ADAM7: variants seen among roughly 807,000 people sequenced by gnomAD.
ADAM7 encodes ADAM metallopeptidase domain 7.
Under a neutral mutation model 102.9 loss-of-function variants are expected in ADAM7, and 97 were observed. The observed-to-expected ratio is 0.94, with a 90% confidence interval of 0.80 to 1.12. The LOEUF is 1.12. Ranked by LOEUF, ADAM7 falls within the 50% of genes most tolerant of loss-of-function variation. The pLI is 0.00. For missense variants in ADAM7, 991 were observed against 908.7 expected (o/e 1.09, Z -1.16); for synonymous variants, 334 against 304.4 (o/e 1.10, Z -1.01).
At position 24,498,183 on chromosome 8, in the gene ADAM7, CTA is replaced by C. The variant is rs1554544585; in HGVS notation, c.1843-1052_1843-1051del. Among the ~76,000 whole-genome samples, 5 of 151,490 alleles carry C rather than the reference CTA, an allele frequency of 3.3e-5. No homozygotes were observed. The East Asian group carries it at 9.7e-4, about 29-fold the overall frequency. On this transcript the variant is annotated intron_variant, in intron 16 of 21. Transcript: ENST00000175238. Reference sequence around the variant, plus strand: ...ACTCCATAAGACTTTTGAGTAAATTCTAGTTATTAATTATAATATTTTTATTA... The same window carrying C: ...ACTCCATAAGACTTTTGAGTAAATTCGTTATTAATTATAATATTTTTATTA...
chr8:24,481,471 C>G (rs761040102), intron 8 of ADAM7, among the ~76,000 whole-genome samples: 39 of 152,228 alleles, frequency 2.6e-4, no homozygotes, highest in Non-Finnish European at 4.9e-4. Context: ...AAAACTGATA[C>G]AACACATAGT....
chr8:24,499,321 G>C lies in ADAM7; in HGVS notation c.1923+5G>C. The C allele has an allele frequency of 6.3e-7, 1 of 1,588,260 alleles. No homozygotes were observed. The highest frequency in any genetic ancestry group is 8.6e-7 in the Non-Finnish European group (1 of 1,166,138). ...TCTCAGTGCAATGAAAATCCTGTAA[G>C]ATATGACTGCTTTCAAAATTAATGT... is the stretch of plus-strand genomic sequence containing the variant. On this transcript the variant is annotated splice_donor_5th_base_variant and intron_variant, in intron 17 of 21. Coordinates refer to ENST00000175238, the MANE Select transcript of ADAM7 (RefSeq NM_003817.4).
chr8:24,452,880 TA>T (rs1239428942), intron 3 of ADAM7, among the ~76,000 whole-genome samples: 7 of 150,396 alleles, frequency 4.7e-5, no homozygotes, highest in Non-Finnish European at 1.0e-4. Context: ...TGCTTGTCTG[TA>T]AAGGATTTTA....
intron 20 of ADAM7, among the ~76,000 whole-genome samples, chr8:24,506,592 A>G (rs73223173): frequency 0.13 from 19,084 of 152,128 alleles, 1,569 homozygotes; most frequent in Non-Finnish European, 0.18. Context: ...CTAAAAGGTA[A>G]AACACAGCAA....
At chr8:24,450,832 C>T (rs1426578494) in intron 3 of ADAM7, among the ~76,000 whole-genome samples, 2 of 152,126 alleles carry the variant, frequency 1.3e-5, no homozygotes, top group Non-Finnish European at 2.9e-5. Context: ...CCATCAATAC[C>T]TAATGTATTG....
intron 10 of ADAM7, 95 bp from the exon 11 acceptor site, chr8:24,487,092 G>A: frequency 7.6e-7 from 1 of 1,319,498 alleles, no homozygotes; most frequent in Non-Finnish European, 1.0e-6. Flanking sequence ...TTAACTAGGA[G>A]CTAGAAGCCA....
chr8:24,468,880 T>A, intron 7 of ADAM7, 60 bp downstream of exon 7: 2 of 1,464,736 alleles, frequency 1.4e-6, no homozygotes, highest in Non-Finnish European at 1.9e-6. Context: ...GTAGTTATCA[T>A]TCTAGCATAG....
At chr8:24,465,456 T>C (rs1819393662) in intron 4 of ADAM7, among the ~76,000 whole-genome samples, 1 of 152,174 alleles carries the variant, frequency 6.6e-6, no homozygotes, top group Non-Finnish European at 1.5e-5. Flanking sequence ...GACTATTAAA[T>C]TTGTAGAGGA....
rs554820502 is a variant in ADAM7, at chr8:24,457,279, T to C, written c.234-6603T>C. ...TATTGGATTGTTTGTCCTGTTATTA[T>C]TGAGTTCGAGGAGATTTTTTTTTCC... On this transcript the variant is annotated intron_variant, in intron 3 of 21. Coordinates refer to ENST00000175238, the MANE Select transcript of ADAM7 (RefSeq NM_003817.4). 2.6e-4 allele frequency among the ~76,000 whole-genome samples: 40 copies of C among 151,900 alleles called. No individual in the cohort carries two copies. The South Asian group carries it at 8.1e-3, about 31-fold the overall frequency.
At chr8:24,442,276 G>T (rs1419595782) in intron 1 of ADAM7, among the ~76,000 whole-genome samples, 197 bp from the exon 2 acceptor site, 1 of 152,128 alleles carries the variant, frequency 6.6e-6, no homozygotes, top group Non-Finnish European at 1.5e-5. Flanking sequence ...TCCTTTCCAA[G>T]TTTCCTTATA....
chr8:24,479,848 G>A (rs1819889694), intron 8 of ADAM7, among the ~76,000 whole-genome samples: 1 of 152,186 alleles, frequency 6.6e-6, no homozygotes, highest in African/African-American at 2.4e-5. Flanking sequence ...TTAGGGTTCA[G>A]GCACACTTGT....
chr8:24,463,840 T>C (rs745692107), intron 3 of ADAM7, 42 bp from the exon 4 acceptor site: 2 of 1,541,958 alleles, frequency 1.3e-6, no homozygotes, highest in Admixed American at 3.4e-5. Context: ...GTCAGGTTTT[T>C]AGAACGAACA....
chr8:24,506,381 C>G (rs1820951817), intron 20 of ADAM7, among the ~76,000 whole-genome samples: 1 of 152,078 alleles, frequency 6.6e-6, no homozygotes, highest in East Asian at 1.9e-4. Flanking sequence ...CAGGCAAGTC[C>G]TAGGGCAGAC....
Position 24,442,533 on chromosome 8 carries a change from T to C in ADAM7, c.113T>C (p.Ile38Thr), listed in dbSNP as rs765131149. 1 of 1,614,120 alleles carries C rather than the reference T, an allele frequency of 6.2e-7. No homozygotes were observed. Among genetic ancestry groups the C allele is most frequent in the Non-Finnish European group, 8.5e-7 (1 of 1,179,996 alleles). Residue 38 changes from isoleucine to threonine, a missense_variant, in exon 2 of 22, where the codon ATA becomes ACA. By Grantham distance (89) the Ile-to-Thr change is moderately conservative. Coordinates refer to ENST00000175238, the MANE Select transcript of ADAM7 (RefSeq NM_003817.4). ...QLVRPKKLPLIQKRDTGHTHD... is the reference protein window; with the variant it reads ...QLVRPKKLPLTQKRDTGHTHD... Reference sequence around the variant, plus strand: ...GTTCGTCCTAAAAAGCTTCCTCTGATACAGAAGCGAGATACTGGACACACC... The same window carrying C: ...GTTCGTCCTAAAAAGCTTCCTCTGACACAGAAGCGAGATACTGGACACACC...
At chr8:24,470,876 G>T (rs1252942493) in intron 7 of ADAM7, among the ~76,000 whole-genome samples, 4 of 152,082 alleles carry the variant, frequency 2.6e-5, no homozygotes, top group Admixed American at 2.6e-4. Flanking sequence ...TATTTAAAAA[G>T]TTAACTGTAA....
Position 24,489,269 on chromosome 8 carries a change from AT to A in ADAM7, c.1205del (p.Phe402SerfsTer35). ...ATTCCATTTCCTTACAATTTTCATG[AT>A]TTCCAATTTTGTGGAAACAAGAAGT... ...LNIPFPYNFH[D>X]FQFCGNKKLD... is the part of the protein sequence containing the mutation. On this transcript the variant is annotated frameshift_variant, in exon 12 of 22. Transcript: ENST00000175238. LOFTEE classifies it high-confidence loss of function. 6.2e-7 allele frequency: 1 copy of A among 1,613,614 alleles called. No homozygotes were observed.
intron 3 of ADAM7, among the ~76,000 whole-genome samples, chr8:24,454,721 A>G (rs910552718): frequency 3.9e-5 from 6 of 152,118 alleles, no homozygotes; most frequent in Non-Finnish European, 8.8e-5. Flanking sequence ...TCAGATGGAA[A>G]TGCAGAAATC....
chr8:24,463,799 A>G (rs1171311705), intron 3 of ADAM7, 83 bp from the exon 4 acceptor site: 18 of 1,169,052 alleles, frequency 1.5e-5, no homozygotes, highest in Non-Finnish European at 2.2e-5. Context: ...AGCAAACTGG[A>G]CACTTCTCCA....
At position 24,447,485 on chromosome 8, in the gene ADAM7, T is replaced by TG. The variant is rs1407837163; in HGVS notation, c.233+223_233+224insG. Among the ~76,000 whole-genome samples, 4 of 152,150 alleles carry TG rather than the reference T, an allele frequency of 2.6e-5. No individual in the cohort carries two copies. In the East Asian group the frequency reaches 7.7e-4, roughly 29 times the overall value. On this transcript the variant is annotated intron_variant, in intron 3 of 21. Transcript: ENST00000175238. The stretch of plus-strand genomic sequence containing the variant: ...CTCCCGTTCCTAAATAACTCCCTAC[T>TG]TTGAATACTTGCAGTTTTTTGAGCT...
Sources: allele counts gnomAD v4.1 joint callset (sites outside exome capture counted in the v4.1 genomes callset), GRCh38; gene constraint gnomAD v4.1.1; transcripts MANE v1.5; gene names NCBI Gene and HGNC (gene_info 2026-07-23, HGNC 2026-07-21).